PKP2: variants seen among roughly 807,000 people sequenced by gnomAD.
PKP2 encodes plakophilin-2.
A neutral mutation model predicts 83.4 loss-of-function variants in PKP2; 73 were observed. The observed-to-expected ratio is 0.88, with a 90% CI of 0.72 to 1.06. The LOEUF (loss-of-function observed/expected upper bound fraction) is 1.06. PKP2 is among the 50% of genes least tolerant of loss of function. The probability of loss-of-function intolerance (pLI) is 0.00; values close to 1 mark genes in which losing one functional copy is unlikely to be tolerated. For synonymous variants in PKP2, 409 were observed against 430.4 expected (o/e 0.95, Z 0.62); for missense variants, 966 against 1,065.4 (o/e 0.91, Z 1.30).
chr12:32,851,404 C>T (rs1175206124), intron 4 of PKP2, among the ~76,000 whole-genome samples: 1 of 152,076 alleles, frequency 6.6e-6, no homozygotes, highest in Non-Finnish European at 1.5e-5. Context: ...TGAATAGTAT[C>T]ACTTTCATTA....
At chr12:32,798,136 G>A (rs1426343348) in intron 10 of PKP2, among the ~76,000 whole-genome samples, 1 of 139,734 alleles carries the variant, frequency 7.2e-6, no homozygotes, top group Admixed American at 7.5e-5. Flanking sequence ...CCAGGCTGGA[G>A]TGCAATGGCA....
intron 3 of PKP2, among the ~76,000 whole-genome samples, chr12:32,873,622 T>C (rs1956911148): frequency 1.3e-5 from 2 of 151,788 alleles, no homozygotes; most frequent in Admixed American, 1.3e-4. Context: ...CTCCGCCTCC[T>C]GGGTTCAAGC....
rs528372820 is a variant in PKP2, at chr12:32,827,509, T to C, written c.1557-3347A>G. ...ATAACTATAGAAAATGATACATCCA[T>C]CTTAAAATATTTTTTTTTAACAGCT... On this transcript the variant is annotated intron_variant, in intron 6 of 12. Transcript: ENST00000340811. 2.6e-5 allele frequency among the ~76,000 whole-genome samples: 4 copies of C among 152,312 alleles called. No homozygotes were observed. In the South Asian group the frequency reaches 8.3e-4, roughly 32 times the overall value.
At chr12:32,822,655 T>C (rs755415726) in intron 7 of PKP2, 24 bp from the exon 8 acceptor site, 1 of 1,611,460 alleles carries the variant, frequency 6.2e-7, no homozygotes, top group Non-Finnish European at 8.5e-7. Context: ...ACAAGAATAT[T>C]GATCGTATAC....
chr12:32,817,344 G>A (rs1956329459), intron 9 of PKP2, among the ~76,000 whole-genome samples: 1 of 152,168 alleles, frequency 6.6e-6, no homozygotes, highest in Non-Finnish European at 1.5e-5. Flanking sequence ...GAAAACCTAC[G>A]AAACACCATT....
chr12:32,796,684 A>C (rs994400797), intron 10 of PKP2, among the ~76,000 whole-genome samples: 1 of 152,150 alleles, frequency 6.6e-6, no homozygotes, highest in Non-Finnish European at 1.5e-5. Context: ...CAGGCGTGAG[A>C]CACTGCGCCC....
rs1460366599 is a variant in PKP2 at position 32,843,211 on chromosome 12, G to A, written c.1379-2006C>T. 3.7e-5 allele frequency: 23 copies of A among 617,740 alleles called. No homozygotes were observed. The Admixed American group carries it at 4.5e-4, about 12-fold the overall frequency. The allele number at this position is 617,740 out of a possible 1,614,324, so 38.3% of individuals were successfully genotyped here. On this transcript the variant is annotated intron_variant, in intron 5 of 12. Transcript: ENST00000340811. ...TTGGTCAGGCTGGTCTCGAACTCCT[G>A]ACCTCGTGATCCGCCCGCCTTGGCC...
intron 9 of PKP2, among the ~76,000 whole-genome samples, chr12:32,809,371 G>A (rs1956256073): frequency 1.3e-5 from 2 of 152,214 alleles, no homozygotes; most frequent in Non-Finnish European, 2.9e-5. Flanking sequence ...ACTCTCTGGA[G>A]CTGGCAGGCT....
rs1565571416 is a variant in PKP2 at position 32,793,612 on chromosome 12, G to GTTTTTTTTTTTT, written c.2358-882_2358-881insAAAAAAAAAAAA. 4.2e-5 allele frequency among the ~76,000 whole-genome samples: 4 copies of GTTTTTTTTTTTT among 94,292 alleles called. No homozygotes were observed. The East Asian group carries it at 7.1e-4, about 17-fold the overall frequency. The allele number at this position is 94,292 out of a possible 152,430, so 61.9% of individuals were successfully genotyped here. A position where few individuals can be genotyped will look rare whatever the true frequency, so the allele number is the denominator to read the frequency against. On this transcript the variant is annotated intron_variant, in intron 11 of 12. Coordinates refer to ENST00000340811, the MANE Select transcript of PKP2 (RefSeq NM_001005242.3). ...AACTGTACTTAGTCTTTCATATTCT[G>GTTTTTTTTTTTT]CTTTTTTTTTTTTTTTTTTTTTTTT...
intron 3 of PKP2, among the ~76,000 whole-genome samples, chr12:32,869,303 C>G (rs1251126443): frequency 9.2e-5 from 14 of 152,080 alleles, no homozygotes; most frequent in Admixed American, 9.2e-4. Context: ...TTGAATTATA[C>G]CATATACCAA....
At chr12:32,884,724 G>A (rs558263848) in intron 1 of PKP2, among the ~76,000 whole-genome samples, 1 of 151,352 alleles carries the variant, frequency 6.6e-6, no homozygotes, top group South Asian at 2.1e-4. Context: ...TCATGAATTA[G>A]TCTATTCTAA....
chr12:32,860,908 A>G (rs1956792232), intron 4 of PKP2, among the ~76,000 whole-genome samples: 2 of 152,058 alleles, frequency 1.3e-5, no homozygotes, highest in Admixed American at 6.6e-5. Context: ...TGCGCCTGTA[A>G]TCCCAGCTAC....
intron 7 of PKP2, among the ~76,000 whole-genome samples, 183 bp from the exon 8 acceptor site, chr12:32,822,814 G>C (rs1175272794): frequency 1.3e-5 from 2 of 152,188 alleles, no homozygotes; most frequent in African/African-American, 4.8e-5. Context: ...TTCATGAACA[G>C]TCAGGAGTAC....
intron 5 of PKP2, among the ~76,000 whole-genome samples, chr12:32,845,668 A>C (rs1161198737): frequency 1.3e-5 from 2 of 152,264 alleles, no homozygotes; most frequent in African/African-American, 2.4e-5. Context: ...TTTATGATTA[A>C]ATAAATCCCT....
At chr12:32,794,608 T>A (rs917571998) in intron 11 of PKP2, among the ~76,000 whole-genome samples, 7 of 152,350 alleles carry the variant, frequency 4.6e-5, no homozygotes, top group East Asian at 3.9e-4. Context: ...TGTGCAACAA[T>A]TGTTATGTCT....
At chr12:32,801,486 T>TA (rs1334780177) in intron 10 of PKP2, among the ~76,000 whole-genome samples, 1 of 152,226 alleles carries the variant, frequency 6.6e-6, no homozygotes, top group Non-Finnish European at 1.5e-5. Context: ...AGCCATTGCA[T>TA]AAAACCTCCT....
chr12:32,856,006 T>C (rs1013883594), intron 4 of PKP2, among the ~76,000 whole-genome samples: 7 of 152,136 alleles, frequency 4.6e-5, no homozygotes, highest in Admixed American at 1.3e-4. Context: ...TGCAATTTGA[T>C]TGAAGATATG....
Position 32,892,824 on chromosome 12 carries a change from G to GGGGC in PKP2, c.223+3684_223+3685insGCCC, listed in dbSNP as rs1555149555. On this transcript the variant is annotated intron_variant, in intron 1 of 12. Coordinates refer to ENST00000340811, the MANE Select transcript of PKP2 (RefSeq NM_001005242.3). ...CAGATACCTGGGGTGGGGGCGGGGG[G>GGGGC]GGGGGGAGAACTGTGTAGCAAGTAG... Among the ~76,000 whole-genome samples, 99 of 113,586 alleles carry GGGGC rather than the reference G, an allele frequency of 8.7e-4. 9 individuals carry two copies. The highest frequency in any genetic ancestry group is 3.1e-3 in the African/African-American group (97 of 31,596). 74.5% of individuals were successfully genotyped at this position (113,586 alleles called of 152,430 possible). A position where few individuals can be genotyped will look rare whatever the true frequency, so the allele number is the denominator to read the frequency against.
chr12:32,856,685 T>C (rs1165575888), intron 4 of PKP2, among the ~76,000 whole-genome samples: 4 of 151,582 alleles, frequency 2.6e-5, no homozygotes, highest in Non-Finnish European at 4.4e-5. Context: ...CACACTAACA[T>C]GGCATATGTA....
Sources: allele counts gnomAD v4.1 joint callset (sites outside exome capture counted in the v4.1 genomes callset), GRCh38; gene constraint gnomAD v4.1.1; transcripts MANE v1.5; gene names NCBI Gene and HGNC (gene_info 2026-07-23, HGNC 2026-07-21).